ZYG11A: variants seen among roughly 807,000 people sequenced by gnomAD.
The protein encoded by ZYG11A is protein zyg-11 homolog A.
ZYG11A carries 62 observed loss-of-function variants against 77.2 expected under a neutral mutation model. That is an observed-to-expected ratio of 0.80 (90% CI 0.65 to 0.99). The LOEUF (loss-of-function observed/expected upper bound fraction) is 0.99, where lower values mean the gene tolerates loss of function less well. Ranked by LOEUF, ZYG11A falls within the 50% of genes least tolerant of loss-of-function variation. The probability of loss-of-function intolerance (pLI) is 0.00; values close to 1 mark genes in which losing one functional copy is unlikely to be tolerated. For missense variants in ZYG11A, 828 were observed against 896.8 expected (o/e 0.92, Z 0.98); for synonymous variants, 315 against 324.6 (o/e 0.97, Z 0.32).
At chr1:52,873,044 C>T (rs2150011375) in intron 8 of ZYG11A, among the ~76,000 whole-genome samples, 1 of 152,072 alleles carries the variant, frequency 6.6e-6, no homozygotes, top group South Asian at 2.1e-4. Context: ...AGAAAACACA[C>T]AGCGGTGGCT....
At chr1:52,873,362 T>C (rs191558862) in intron 8 of ZYG11A, among the ~76,000 whole-genome samples, 26 of 152,264 alleles carry the variant, frequency 1.7e-4, no homozygotes, top group South Asian at 1.7e-3. Flanking sequence ...GGTCAAAATA[T>C]GAACATTACC....
At chr1:52,860,213 C>T (rs1157405509) in intron 3 of ZYG11A, among the ~76,000 whole-genome samples, 3 of 152,052 alleles carry the variant, frequency 2.0e-5, no homozygotes, top group Middle Eastern at 3.4e-3. Context: ...CGTTGAGTCT[C>T]ATGTTGTTTT....
chr1:52,881,819 G>T, intron 11 of ZYG11A, 154 bp downstream of exon 11: 7 of 561,780 alleles, frequency 1.2e-5, no homozygotes, highest in South Asian at 6.5e-5. Context: ...AACTATCTCT[G>T]TTAACATTTT....
In ZYG11A at chr1:52,860,837, T is replaced by C; in HGVS notation, c.1115T>C (p.Phe372Ser). The C allele has an allele frequency of 6.4e-7, 1 of 1,551,718 alleles. No individual in the cohort carries two copies. Among genetic ancestry groups the C allele is most frequent in the Non-Finnish European group, 8.7e-7 (1 of 1,146,998 alleles). Reference sequence around the variant, plus strand: ...CTCCACAGGCTGTTCACAGAGACATTTTCAATGGAGGTAACCATGCCTGCT... The same window carrying C: ...CTCCACAGGCTGTTCACAGAGACATCTTCAATGGAGGTAACCATGCCTGCT... Reference protein sequence around the residue: ...EALHRLFTETFSMEVTMPAIL... With the variant: ...EALHRLFTETSSMEVTMPAIL... Residue 372 changes from phenylalanine (F) to serine (S), a missense_variant, in exon 4 of 14, where the codon TTT becomes TCT. Coordinates refer to ENST00000371528, the MANE Select transcript of ZYG11A (RefSeq NM_001004339.3).
chr1:52,853,433 T>C (rs1645750774), intron 1 of ZYG11A, among the ~76,000 whole-genome samples: 1 of 152,174 alleles, frequency 6.6e-6, no homozygotes, highest in African/African-American at 2.4e-5. Context: ...TGAATACATA[T>C]TTTTTGAGTG....
intron 4 of ZYG11A, among the ~76,000 whole-genome samples, chr1:52,861,636 G>A (rs1001858132): frequency 1.3e-5 from 2 of 152,142 alleles, no homozygotes; most frequent in African/African-American, 4.8e-5. Context: ...CTCGGGAGGT[G>A]GAGGTTGCAG....
chr1:52,887,906 A>G lies in ZYG11A; in HGVS notation c.2104+853A>G, dbSNP rs1646477892. Among the ~76,000 whole-genome samples, 3 of 152,256 alleles carry G rather than the reference A, an allele frequency of 2.0e-5. No homozygotes were observed. The South Asian group carries it at 6.2e-4, about 32-fold the overall frequency. On this transcript the variant is annotated intron_variant, in intron 13 of 13. Coordinates refer to ENST00000371528, the MANE Select transcript of ZYG11A (RefSeq NM_001004339.3). ...TTGATATCCTTTGTTGAGACTTGTT[A>G]TACAATTTTTCATTGTATTATAGGA...
chr1:52,856,629 T>G (rs140866504), intron 2 of ZYG11A, among the ~76,000 whole-genome samples: 130 of 152,286 alleles, frequency 8.5e-4, no homozygotes, highest in African/African-American at 3.0e-3. Flanking sequence ...TATCCTGTAC[T>G]TATCTACCTA....
chr1:52,868,073 C>A (rs1481438377), intron 8 of ZYG11A, among the ~76,000 whole-genome samples: 3 of 131,376 alleles, frequency 2.3e-5, no homozygotes, highest in East Asian at 2.2e-4. Flanking sequence ...TTCACGCGAT[C>A]CCCTGCCTCA....
intron 13 of ZYG11A, among the ~76,000 whole-genome samples, chr1:52,892,204 TG>T (rs149399578): frequency 1 from 145,498 of 145,502 alleles, 72,747 homozygotes; most frequent in Middle Eastern, 1. Context: ...CAGCCACATC[TG>T]GGGGTTTTCA....
intron 8 of ZYG11A, among the ~76,000 whole-genome samples, chr1:52,870,841 G>A (rs1157159033): frequency 6.6e-6 from 1 of 151,964 alleles, no homozygotes; most frequent in Non-Finnish European, 1.5e-5. Context: ...GGCATCAGAG[G>A]GAGACAGTAG....
Position 52,857,095 on chromosome 1 carries a change from C to G in ZYG11A, c.354C>G (p.Phe118Leu). Residue 118 changes from phenylalanine (F) to leucine (L), a missense_variant, in exon 3 of 14, where the codon TTC (phenylalanine) becomes TTG (leucine). Transcript: ENST00000371528. Reference sequence around the variant, plus strand: ...AAGCTAAAATCTCTACAGCTGCATTCATAAAAGCCTTCTGCCGTCATAAGC... The same window carrying G: ...AAGCTAAAATCTCTACAGCTGCATTGATAAAAGCCTTCTGCCGTCATAAGC... ...IQKAKISTAA[F>L]IKAFCRHKLI... 1 of 1,551,740 alleles carries G rather than the reference C, an allele frequency of 6.4e-7. No individual in the cohort carries two copies. Among genetic ancestry groups the G allele is most frequent in the African/African-American group, 1.4e-5 (1 of 73,166 alleles).
intron 11 of ZYG11A, 73 bp downstream of exon 11, chr1:52,881,738 A>T (rs1042315519): frequency 1.7e-6 from 2 of 1,193,272 alleles, no homozygotes; most frequent in Non-Finnish European, 2.3e-6. Flanking sequence ...TTCCTAAATC[A>T]TAATAATATG....
intron 1 of ZYG11A, among the ~76,000 whole-genome samples, chr1:52,853,709 G>A (rs549685254): frequency 6.6e-6 from 1 of 151,960 alleles, no homozygotes; most frequent in Non-Finnish European, 1.5e-5. Context: ...CATGAGTTTC[G>A]AGACTGGCTT....
At position 52,842,816 on chromosome 1, in the gene ZYG11A, G is replaced by C; in HGVS notation, c.-68G>C. ...GCGCGTCCTGGCAGCCGCCCGCTTG[G>C]TTCTCGCGGGATCCGGGCTCCGGCT... is the stretch of plus-strand genomic sequence containing the variant. On this transcript the variant is annotated 5_prime_UTR_variant, in exon 1 of 14. Transcript: ENST00000371528. The C allele has an allele frequency of 1.4e-6, 2 of 1,452,794 alleles. No individual in the cohort carries two copies. Among genetic ancestry groups the C allele is most frequent in the Non-Finnish European group, 1.9e-6 (2 of 1,077,378 alleles). 90.0% of individuals were successfully genotyped at this position (1,452,794 alleles called of 1,614,324 possible).
chr1:52,857,461 C>A lies in ZYG11A; in HGVS notation c.720C>A (p.Cys240Ter). ...CTCTCACAATGCACTATCTGAAATG[C>A]CTGGCCATGACCAAATCACAAATTC... ...LKSLTMHYLK[C>*]LAMTKSQILA... Residue 240 changes from cysteine (C) to a stop codon, truncating the protein, a stop_gained, in exon 3 of 14, where the codon TGC becomes TGA. Transcript: ENST00000371528. LOFTEE classifies it high-confidence loss of function. 6.4e-7 allele frequency: 1 copy of A among 1,552,158 alleles called. No individual in the cohort carries two copies. Among genetic ancestry groups the A allele is most frequent in the Non-Finnish European group, 8.7e-7 (1 of 1,147,102 alleles).
intron 8 of ZYG11A, among the ~76,000 whole-genome samples, chr1:52,875,151 C>T (rs568384058): frequency 4.3e-4 from 66 of 152,182 alleles, no homozygotes; most frequent in African/African-American, 1.5e-3. Flanking sequence ...AAAATTGGGC[C>T]ATCATATCAA....
intron 11 of ZYG11A, among the ~76,000 whole-genome samples, chr1:52,885,310 T>TTTTTGTTTTG (rs58059629): frequency 0.7 from 105,984 of 150,544 alleles, 38,742 homozygotes; most frequent in African/African-American, 0.91. Context: ...TGGTTTGTGT[T>TTTTTGTTTTG]TTTTGTTTTG....
At chr1:52,848,914 T>C (rs1024761382) in intron 1 of ZYG11A, among the ~76,000 whole-genome samples, 3 of 152,170 alleles carry the variant, frequency 2.0e-5, no homozygotes, top group Non-Finnish European at 2.9e-5. Context: ...ACATCAAATT[T>C]ATTTTACTAT....
Sources: gnomAD v4.1 joint callset for allele counts (sites outside exome capture counted in the v4.1 genomes callset) on GRCh38, gnomAD v4.1.1 for gene constraint, MANE v1.5 for transcripts, NCBI Gene and HGNC (gene_info 2026-07-23, HGNC 2026-07-21) for gene names.